INPP4B: variants seen among roughly 807,000 people sequenced by gnomAD.
INPP4B encodes the protein inositol polyphosphate 4-phosphatase type II.
In INPP4B, 55 loss-of-function variants were observed where a neutral mutation model predicts 122.5. The observed-to-expected ratio is 0.45, with a 90% CI of 0.36 to 0.56. The LOEUF is 0.56. Among genes scored for constraint, INPP4B ranks in the 20% least tolerant of loss-of-function variants. The pLI is 0.00. For missense variants in INPP4B, 1,000 were observed against 1,097.7 expected (o/e 0.91, Z 1.26); for synonymous variants, 403 against 388.7 (o/e 1.04, Z -0.43).
At position 142,123,284 on chromosome 4, in the gene INPP4B, A is replaced by ATAC. The variant is rs1797341783; in HGVS notation, c.2017+5_2017+7dup. 1 of 1,586,420 alleles carries ATAC rather than the reference A, an allele frequency of 6.3e-7. No homozygotes were observed. Among genetic ancestry groups the ATAC allele is most frequent in the Non-Finnish European group, 8.6e-7 (1 of 1,167,190 alleles). ...TGTGATTTTAACTTGTACTAAAGCA[A>ATAC]TACTCACTGTATGTACTTAGCAGTC... On this transcript the variant is annotated splice_region_variant and intron_variant, in intron 20 of 25. Coordinates refer to ENST00000262992, the MANE Select transcript of INPP4B (RefSeq NM_001101669.3).
At chr4:142,825,930 A>G (rs1781395979) in intron 1 of INPP4B, among the ~76,000 whole-genome samples, 1 of 152,162 alleles carries the variant, frequency 6.6e-6, no homozygotes, top group Admixed American at 6.6e-5. Flanking sequence ...AGAGATCTCA[A>G]TAACCCTTTG....
chr4:142,474,296 C>T (rs1819446248), intron 2 of INPP4B: 1 of 152,262 alleles, frequency 6.6e-6, no homozygotes, highest in African/African-American at 2.4e-5. Flanking sequence ...CTCCTGTTGT[C>T]CCAGGAGACA....
At chr4:142,531,975 A>C (rs1326030529) in intron 2 of INPP4B, among the ~76,000 whole-genome samples, 3 of 152,198 alleles carry the variant, frequency 2.0e-5, no homozygotes, top group Non-Finnish European at 4.4e-5. Flanking sequence ...TTATTAAGAC[A>C]TATTGACTTG....
intron 2 of INPP4B, among the ~76,000 whole-genome samples, chr4:142,497,775 T>C (rs976772913): frequency 2.0e-5 from 3 of 152,184 alleles, no homozygotes; most frequent in South Asian, 2.1e-4. Flanking sequence ...AGTCATTGCA[T>C]AGAAAGCCTG....
At chr4:142,443,730 G>A (rs1812321381) in intron 3 of INPP4B, among the ~76,000 whole-genome samples, 2 of 152,064 alleles carry the variant, frequency 1.3e-5, no homozygotes, top group South Asian at 4.2e-4. Context: ...TTCCAAGAAA[G>A]CTTAAAGTAG....
intron 2 of INPP4B, among the ~76,000 whole-genome samples, chr4:142,559,592 T>G (rs956669648): frequency 6.6e-6 from 1 of 152,182 alleles, no homozygotes; most frequent in African/African-American, 2.4e-5. Flanking sequence ...AGCAAAATCA[T>G]ATGCATAAGT....
intron 2 of INPP4B, among the ~76,000 whole-genome samples, chr4:142,499,774 C>A (rs1823119156): frequency 6.6e-6 from 1 of 152,160 alleles, no homozygotes; most frequent in South Asian, 2.1e-4. Context: ...TCCCTTTAAC[C>A]AGTAGAAAAT....
chr4:142,712,992 T>C (rs377590286), intron 2 of INPP4B, among the ~76,000 whole-genome samples: 1 of 152,120 alleles, frequency 6.6e-6, no homozygotes, highest in Admixed American at 6.5e-5. Context: ...TGCTAGAACC[T>C]AAGGAAAGGA....
intron 2 of INPP4B, among the ~76,000 whole-genome samples, chr4:142,645,521 T>C (rs543322434): frequency 2.0e-5 from 3 of 152,336 alleles, no homozygotes; most frequent in South Asian, 2.1e-4. Flanking sequence ...TTTTGGCCAA[T>C]AGAATGTGAT....
At chr4:142,726,352 A>T (rs1388565465) in intron 1 of INPP4B, among the ~76,000 whole-genome samples, 1 of 152,232 alleles carries the variant, frequency 6.6e-6, no homozygotes, top group Non-Finnish European at 1.5e-5. Flanking sequence ...AATATTCATG[A>T]AAGTTTGGGT....
intron 12 of INPP4B, among the ~76,000 whole-genome samples, chr4:142,229,155 T>C (rs1852990270): frequency 6.6e-6 from 1 of 151,532 alleles, no homozygotes; most frequent in South Asian, 2.1e-4. Context: ...ATATAATATG[T>C]TTAATATATA....
intron 7 of INPP4B, among the ~76,000 whole-genome samples, chr4:142,351,115 T>C (rs1365324522): frequency 6.6e-6 from 1 of 152,032 alleles, no homozygotes; most frequent in African/African-American, 2.4e-5. Flanking sequence ...TTTGCAGTAC[T>C]ATTGCATGGC....
chr4:142,620,102 T>G (rs1287737167), intron 2 of INPP4B, among the ~76,000 whole-genome samples: 1 of 151,934 alleles, frequency 6.6e-6, no homozygotes, highest in African/African-American at 2.4e-5. Context: ...TGGAGATTTC[T>G]TAAAGAAATT....
At chr4:142,309,009 G>A (rs1764455992) in intron 8 of INPP4B, among the ~76,000 whole-genome samples, 1 of 152,046 alleles carries the variant, frequency 6.6e-6, no homozygotes. Context: ...TCTTGAACAA[G>A]TTGCTCCACT....
intron 15 of INPP4B, among the ~76,000 whole-genome samples, chr4:142,179,092 A>G (rs1907136): frequency 0.89 from 135,121 of 152,120 alleles, 60,560 homozygotes; most frequent in East Asian, 0.96. Context: ...ACAGTATTTT[A>G]CCTCTTTTGG....
At position 142,644,653 on chromosome 4, in the gene INPP4B, T is replaced by C. The variant is rs190075814; in HGVS notation, c.-191+81186A>G. The stretch of plus-strand genomic sequence containing the variant: ...AGCTCATGCCTGTAATCCCAGCACT[T>C]TGAGAGGCTGAGGTGGGCTGGGCGG... On this transcript the variant is annotated intron_variant, in intron 2 of 25. Coordinates refer to ENST00000262992, the MANE Select transcript of INPP4B (RefSeq NM_001101669.3). Among the ~76,000 whole-genome samples, 188 of 150,350 alleles carry C rather than the reference T, an allele frequency of 1.3e-3. 1 individual carries two copies. Among genetic ancestry groups the C allele is most frequent in the Admixed American group, 0.012 (174 of 15,008 alleles).
At chr4:142,032,073 C>T (rs773871235) in intron 25 of INPP4B, among the ~76,000 whole-genome samples, 7 of 152,042 alleles carry the variant, frequency 4.6e-5, no homozygotes, top group South Asian at 2.1e-4. Flanking sequence ...AAGAAGGTAA[C>T]GTTATCACAG....
intron 1 of INPP4B, among the ~76,000 whole-genome samples, chr4:142,769,256 AC>A (rs1480141035): frequency 6.6e-6 from 1 of 152,116 alleles, no homozygotes; most frequent in African/African-American, 2.4e-5. Context: ...TGAAGGGTCT[AC>A]CTAGTGCATG....
chr4:142,274,412 T>C (rs921085448), intron 9 of INPP4B, among the ~76,000 whole-genome samples: 1 of 151,818 alleles, frequency 6.6e-6, no homozygotes, highest in Non-Finnish European at 1.5e-5. Context: ...ATAACTCCTG[T>C]GATTTCATCA....
Sources: allele counts gnomAD v4.1 joint callset (sites outside exome capture counted in the v4.1 genomes callset), GRCh38; gene constraint gnomAD v4.1.1; transcripts MANE v1.5; gene names NCBI Gene and HGNC (gene_info 2026-07-23, HGNC 2026-07-21).